MAML2: variants seen among roughly 807,000 people sequenced by gnomAD.
MAML2 encodes the protein mastermind-like protein 2.
Under a neutral mutation model 96.1 loss-of-function variants are expected in MAML2, and 22 were observed. The observed-to-expected ratio is 0.23, with a 90% confidence interval of 0.16 to 0.33. The LOEUF (loss-of-function observed/expected upper bound fraction) is 0.33. Among genes scored for constraint, MAML2 ranks in the 10% least tolerant of loss-of-function variants. The probability of loss-of-function intolerance (pLI) is 1.00; values close to 1 mark genes in which losing one functional copy is unlikely to be tolerated. For synonymous variants in MAML2, 561 were observed against 521.3 expected, an observed-to-expected ratio of 1.08 and a Z score of -1.04; for missense variants, 1,367 against 1,392.4, an observed-to-expected ratio of 0.98 and a Z score of 0.29.
intron 1 of MAML2, among the ~76,000 whole-genome samples, chr11:96,177,389 C>T (rs1037743328): frequency 6.6e-6 from 1 of 152,328 alleles, no homozygotes; most frequent in African/African-American, 2.4e-5. Flanking sequence ...AAGAAGCAGG[C>T]ATGCATGTGA....
At chr11:96,086,462 GT>G (rs67542746) in intron 2 of MAML2, among the ~76,000 whole-genome samples, 85,128 of 150,658 alleles carry the variant, frequency 0.57, 24,808 homozygotes, top group African/African-American at 0.67. Flanking sequence ...ACTTCCTTGT[GT>G]TTTTTTTTTC....
intron 2 of MAML2, among the ~76,000 whole-genome samples, chr11:96,076,798 T>A (rs1225452571): frequency 6.6e-6 from 1 of 152,206 alleles, no homozygotes; most frequent in Non-Finnish European, 1.5e-5. Flanking sequence ...AGGCCACAGC[T>A]CATACTTCTT....
At chr11:96,137,962 C>T (rs559281376) in intron 1 of MAML2, among the ~76,000 whole-genome samples, 2 of 152,038 alleles carry the variant, frequency 1.3e-5, no homozygotes, top group East Asian at 1.9e-4. Context: ...CCATCAAGAA[C>T]AATGTCTTTA....
At chr11:96,133,545 A>T (rs1860579316) in intron 1 of MAML2, among the ~76,000 whole-genome samples, 1 of 152,156 alleles carries the variant, frequency 6.6e-6, no homozygotes, top group Non-Finnish European at 1.5e-5. Context: ...TGGTCAATCG[A>T]CTTGGCAGAA....
At chr11:96,307,570 C>T (rs1263136032) in intron 1 of MAML2, among the ~76,000 whole-genome samples, 13 of 152,130 alleles carry the variant, frequency 8.5e-5, no homozygotes, top group Non-Finnish European at 1.5e-4. Flanking sequence ...GCTGCAACTC[C>T]GACACATTCC....
chr11:96,260,600 A>C (rs561229891), intron 1 of MAML2, among the ~76,000 whole-genome samples: 5 of 152,164 alleles, frequency 3.3e-5, no homozygotes, highest in Admixed American at 6.5e-5. Context: ...TGATACCTGC[A>C]GTTTAAGACT....
chr11:96,320,977 AG>A (rs1392446557), intron 1 of MAML2, among the ~76,000 whole-genome samples: 1 of 152,234 alleles, frequency 6.6e-6, no homozygotes, highest in Non-Finnish European at 1.5e-5. Context: ...GATATGGGGT[AG>A]AAAATAACAT....
chr11:96,248,643 ATT>A (rs1862542015), intron 1 of MAML2, among the ~76,000 whole-genome samples: 1 of 152,088 alleles, frequency 6.6e-6, no homozygotes, highest in Admixed American at 6.5e-5. Context: ...TAATTGGATC[ATT>A]CTCATCTGCA....
intron 1 of MAML2, among the ~76,000 whole-genome samples, chr11:96,123,764 G>A (rs566397861): frequency 5.5e-4 from 84 of 152,104 alleles, no homozygotes; most frequent in African/African-American, 1.9e-3. Context: ...GAGGACATCG[G>A]CTTCACAGAC....
intron 1 of MAML2, among the ~76,000 whole-genome samples, chr11:96,278,724 A>T (rs1426993746): frequency 6.6e-6 from 1 of 152,230 alleles, no homozygotes; most frequent in Non-Finnish European, 1.5e-5. Context: ...TTACCTTTCT[A>T]GGGCTGCCAG....
intron 1 of MAML2, among the ~76,000 whole-genome samples, chr11:96,149,712 C>A (rs181311964): frequency 1.3e-5 from 2 of 152,028 alleles, no homozygotes; most frequent in Non-Finnish European, 2.9e-5. Context: ...CCAGCCCAGG[C>A]GACAGAGTGA....
intron 2 of MAML2, among the ~76,000 whole-genome samples, chr11:96,070,163 G>A (rs1033195001): frequency 3.9e-5 from 6 of 151,996 alleles, no homozygotes; most frequent in African/African-American, 1.2e-4. Flanking sequence ...GGTGGCGGGC[G>A]CCTGTAGTCC....
intron 2 of MAML2, among the ~76,000 whole-genome samples, chr11:95,994,739 A>G (rs1857966176): frequency 6.6e-6 from 1 of 152,238 alleles, no homozygotes; most frequent in African/African-American, 2.4e-5. Flanking sequence ...AGTTTTATGT[A>G]AGACTTTCAA....
At chr11:96,039,087 C>T (rs1196961329) in intron 2 of MAML2, among the ~76,000 whole-genome samples, 1 of 152,040 alleles carries the variant, frequency 6.6e-6, no homozygotes, top group African/African-American at 2.4e-5. Flanking sequence ...CCTGTCTACA[C>T]AAAAATGTTT....
intron 2 of MAML2, among the ~76,000 whole-genome samples, chr11:96,054,779 CTGTT>C (rs1479694110): frequency 1.3e-5 from 2 of 152,084 alleles, no homozygotes; most frequent in Non-Finnish European, 2.9e-5. Flanking sequence ...TGCACTGATT[CTGTT>C]TGTTCTTATG....
At chr11:96,089,212 C>A (rs1184614178) in intron 2 of MAML2, among the ~76,000 whole-genome samples, 2 of 152,084 alleles carry the variant, frequency 1.3e-5, no homozygotes, top group African/African-American at 2.4e-5. Context: ...TTTGTACTGT[C>A]TATTATAGAT....
chr11:95,979,810 T>C lies in MAML2; in HGVS notation c.2609A>G (p.Tyr870Cys). ...LSTAVQNMGM[Y>C]GNLPCNQPNT... ...AGGTTGATTACAAGGCAGATTTCCA[T>C]ACATCCCCATATTCTGAACTGCTGT... The change falls in exon 5 of 5, where the codon TAT (tyrosine) becomes TGT (cysteine). Residue 870 changes from tyrosine to cysteine, a missense_variant. Transcript: ENST00000524717. The C allele has an allele frequency of 1.2e-6, 2 of 1,613,990 alleles. No individual in the cohort carries two copies. Among genetic ancestry groups the C allele is most frequent in the Non-Finnish European group, 1.7e-6 (2 of 1,179,882 alleles).
intron 1 of MAML2, among the ~76,000 whole-genome samples, chr11:96,321,636 A>G (rs1357867964): frequency 6.6e-6 from 1 of 152,190 alleles, no homozygotes; most frequent in Non-Finnish European, 1.5e-5. Context: ...GTGTGCAGGA[A>G]GTATGTCTAT....
intron 1 of MAML2, among the ~76,000 whole-genome samples, chr11:96,326,358 C>CGTGTGTGTGCGT (rs1863779077): frequency 6.8e-6 from 1 of 147,638 alleles, no homozygotes; most frequent in African/African-American, 2.5e-5. Flanking sequence ...CACACTAAAG[C>CGTGTGTGTGCGT]GTGTGTGTGT....
Sources: allele counts gnomAD v4.1 joint callset (sites outside exome capture counted in the v4.1 genomes callset), GRCh38; gene constraint gnomAD v4.1.1; transcripts MANE v1.5; gene names NCBI Gene and HGNC (gene_info 2026-07-23, HGNC 2026-07-21).